RYR3: variants seen among roughly 807,000 people sequenced by gnomAD.
The protein encoded by RYR3 is ryanodine receptor 3.
RYR3 carries 207 observed loss-of-function variants against 584.3 expected under a neutral mutation model. The observed-to-expected ratio is 0.35, with a 90% confidence interval of 0.32 to 0.40. The LOEUF is 0.40. Among genes scored for constraint, RYR3 ranks in the 10% least tolerant of loss-of-function variants. The probability of loss-of-function intolerance (pLI) is 1.00; values close to 1 mark genes in which losing one functional copy is unlikely to be tolerated. For synonymous variants in RYR3, 2,416 were observed against 2,248.5 expected, an observed-to-expected ratio of 1.07 and a Z score of -2.11; for missense variants, 5,616 against 6,089.2, an observed-to-expected ratio of 0.92 and a Z score of 2.59.
Position 33,636,511 on chromosome 15 carries a change from G to A in RYR3, c.3517G>A (p.Gly1173Ser). 1 of 1,609,342 alleles carries A rather than the reference G, an allele frequency of 6.2e-7. No homozygotes were observed. Among genetic ancestry groups the A allele is most frequent in the Non-Finnish European group, 8.5e-7 (1 of 1,178,062 alleles). ...LNGELLITNKGSELAFADYEI... is the reference protein window; with the variant it reads ...LNGELLITNKSSELAFADYEI... ...TGGGGAGCTGCTGATCACCAACAAA[G>A]GCTCTGAACTTGCCTTCGCTGACTA... Residue 1173 changes from glycine to serine, a missense_variant, in exon 27 of 104, where the codon GGC becomes AGC. By Grantham distance (56) the Gly-to-Ser change is moderately conservative (BLOSUM62 0). Coordinates refer to ENST00000634891, the MANE Select transcript of RYR3 (RefSeq NM_001036.6).
At chr15:33,612,331 CAA>C (rs1209503761) in intron 18 of RYR3, among the ~76,000 whole-genome samples, 16 of 152,122 alleles carry the variant, frequency 1.1e-4, no homozygotes, top group Admixed American at 2.0e-4. Flanking sequence ...TTCTTTAAAA[CAA>C]ATAAGCAAAC....
At chr15:33,314,559 T>C (rs996692043) in intron 1 of RYR3, among the ~76,000 whole-genome samples, 5 of 152,240 alleles carry the variant, frequency 3.3e-5, no homozygotes, top group African/African-American at 9.6e-5. Context: ...CCTTAGCTTA[T>C]TGTTTTTAAA....
At chr15:33,488,158 AC>A in intron 2 of RYR3, among the ~76,000 whole-genome samples, 1 of 152,190 alleles carries the variant, frequency 6.6e-6, no homozygotes, top group East Asian at 1.9e-4. Flanking sequence ...GCAATACCAA[AC>A]CCCTCTTCTT....
rs1486560370 is a variant in RYR3 at position 33,311,189 on chromosome 15, G to T, written c.51+93G>T. 6.0e-6 allele frequency: 6 copies of T among 998,128 alleles called. No individual in the cohort carries two copies. Among genetic ancestry groups the T allele is most frequent in the Non-Finnish European group, 8.1e-6 (6 of 740,220 alleles). 61.8% of individuals were successfully genotyped at this position (998,128 alleles called of 1,614,324 possible). On this transcript the variant is annotated intron_variant, in intron 1 of 103. Transcript: ENST00000634891. This position sits in a 1 kb window ranked among gnomAD's most constrained non-coding sequence, Gnocchi z 4.4. ...GCTGGCTGCGCTGCGCCGCGGTGCC[G>T]GGTGCCCGGTGCCGGGCGCTTTCTC... is the stretch of plus-strand genomic sequence containing the variant.
chr15:33,652,511 C>T (rs1431209720), intron 31 of RYR3, among the ~76,000 whole-genome samples: 1 of 152,092 alleles, frequency 6.6e-6, no homozygotes, highest in Non-Finnish European at 1.5e-5. Context: ...GAATAGATTG[C>T]CACATCCTTA....
intron 36 of RYR3, among the ~76,000 whole-genome samples, chr15:33,664,311 G>A (rs1010728583): frequency 2.6e-5 from 4 of 151,990 alleles, no homozygotes; most frequent in Non-Finnish European, 5.9e-5. Context: ...TACCCACCTT[G>A]GGGTTAGCCT....
chr15:33,662,870 G>A lies in RYR3; in HGVS notation c.5340G>A (p.Glu1780=), dbSNP rs1261058403. 3.7e-6 allele frequency: 6 copies of A among 1,613,686 alleles called. No homozygotes were observed. The African/African-American group carries it at 8.0e-5, about 22-fold the overall frequency. ...CCCAGGTGGAGGAGAAGGCTGTGGA[G>A]GCTGGGGAGAAGGCCGGCAAGGAGG... ...EVTQVEEKAV[E]AGEKAGKEAP... Residue 1780 remains glutamate, a synonymous_variant, in exon 35 of 104, where the codon GAG becomes GAA. Transcript: ENST00000634891.
At chr15:33,647,309 A>C in intron 29 of RYR3, 115 bp from the exon 30 acceptor site, 1 of 762,686 alleles carries the variant, frequency 1.3e-6, no homozygotes, top group Admixed American at 2.2e-5. Flanking sequence ...GTGTTTAGGG[A>C]GTAGCCAGTT....
rs2073361270 is a variant in RYR3 at position 33,769,115 on chromosome 15, G to A, written c.8759G>A (p.Ser2920Asn). Residue 2920 changes from serine (S) to asparagine (N), a missense_variant, in exon 62 of 104, where the codon AGT becomes AAT. Ser to Asn is a conservative substitution (Grantham distance 46, BLOSUM62 1). This residue lies in a region of RYR3 where 1,280 missense variants were observed against 1,426.2 expected (regional missense o/e 0.90). Coordinates refer to ENST00000634891, the MANE Select transcript of RYR3 (RefSeq NM_001036.6). ...LVRHRISLFG[S>N]DSTTMVSCLH... ...CAGATGATTTTTTTTATTCCAGGTA[G>A]TGATTCTACTACAATGGTGAGCTGT... The A allele has an allele frequency of 1.9e-6, 3 of 1,612,258 alleles. No individual in the cohort carries two copies. The East Asian group carries it at 6.7e-5, about 36-fold the overall frequency.
At chr15:33,524,705 A>T (rs2054267166) in intron 3 of RYR3, among the ~76,000 whole-genome samples, 1 of 152,186 alleles carries the variant, frequency 6.6e-6, no homozygotes, top group African/African-American at 2.4e-5. Context: ...AATTTTGCAG[A>T]TGTAAAATGA....
intron 87 of RYR3, among the ~76,000 whole-genome samples, chr15:33,835,894 C>T (rs1006985802): frequency 6.6e-6 from 1 of 152,178 alleles, no homozygotes; most frequent in Non-Finnish European, 1.5e-5. Context: ...GCCACCTCCT[C>T]ACCAGTGACT....
chr15:33,819,387 TA>T (rs2076988234), intron 76 of RYR3, among the ~76,000 whole-genome samples: 1 of 152,064 alleles, frequency 6.6e-6, no homozygotes, highest in Non-Finnish European at 1.5e-5. Flanking sequence ...AGTAGCCTGC[TA>T]AGGCTGGGCA....
At chr15:33,452,783 C>G (rs928186248) in intron 1 of RYR3, among the ~76,000 whole-genome samples, 1 of 152,092 alleles carries the variant, frequency 6.6e-6, no homozygotes, top group Non-Finnish European at 1.5e-5. Context: ...GATTTCAGAA[C>G]CTGGTAGTTT....
Position 33,866,029 on chromosome 15 carries a change from G to A in RYR3, c.*803G>A, listed in dbSNP as rs1314618340. 6.5e-6 allele frequency: 1 copy of A among 153,414 alleles called. No individual in the cohort carries two copies. Among genetic ancestry groups the A allele is most frequent in the African/African-American group, 2.4e-5 (1 of 41,426 alleles). The allele number at this position is 153,414 out of a possible 1,614,324, so 9.5% of individuals were successfully genotyped here. A position where few individuals can be genotyped will look rare whatever the true frequency, so the allele number is the denominator to read the frequency against. The stretch of plus-strand genomic sequence containing the variant: ...TGCTTTATGGTCCCTTGTAAGTAGT[G>A]GAGCTGCTCTGTTTAGGTGAATCTC... On this transcript the variant is annotated 3_prime_UTR_variant, in exon 104 of 104. Transcript: ENST00000634891.
At chr15:33,632,112 TTTA>T (rs1350606584) in intron 23 of RYR3, among the ~76,000 whole-genome samples, 1 of 152,250 alleles carries the variant, frequency 6.6e-6, no homozygotes, top group Non-Finnish European at 1.5e-5. Context: ...GATGCAGAAC[TTTA>T]TCTTATACCT....
intron 9 of RYR3, among the ~76,000 whole-genome samples, chr15:33,548,976 G>A (rs953556810): frequency 6.6e-6 from 1 of 151,988 alleles, no homozygotes; most frequent in Admixed American, 6.6e-5. Context: ...TCTCACGCAG[G>A]GTATATGCCC....
intron 2 of RYR3, among the ~76,000 whole-genome samples, chr15:33,481,261 T>G (rs1011840101): frequency 6.6e-6 from 1 of 152,190 alleles, no homozygotes; most frequent in Non-Finnish European, 1.5e-5. Flanking sequence ...CCTACCCCAT[T>G]TTACAATCTC....
Position 33,533,377 on chromosome 15 carries a change from G to A in RYR3, c.421G>A (p.Glu141Lys). The change falls in exon 5 of 104, where the codon GAA (glutamate) becomes AAA (lysine). Residue 141 changes from glutamate to lysine, a missense_variant. Transcript: ENST00000634891. ...ACTTGCCTTTGATGTAGGTCTACGG[G>A]AACATGCCACAGGTGAGTCAGCATT... is the stretch of plus-strand genomic sequence containing the variant. ...DKLAFDVGLR[E>K]HATGEACWWT... The A allele has an allele frequency of 6.2e-7, 1 of 1,606,400 alleles. No homozygotes were observed. The highest frequency in any genetic ancestry group is 1.3e-5 in the African/African-American group (1 of 74,964).
chr15:33,387,686 G>T (rs2041709923), intron 1 of RYR3, among the ~76,000 whole-genome samples: 1 of 150,680 alleles, frequency 6.6e-6, no homozygotes, highest in South Asian at 2.1e-4. Flanking sequence ...AAATAGAGAA[G>T]AGATTGGATT....
Sources: gnomAD v4.1 joint callset for allele counts (sites outside exome capture counted in the v4.1 genomes callset) on GRCh38, gnomAD v4.1.1 for gene constraint, gnomAD v4.1.1 regional missense constraint, Gnocchi (gnomAD v3.1) non-coding constraint, MANE v1.5 for transcripts, NCBI Gene and HGNC (gene_info 2026-07-23, HGNC 2026-07-21) for gene names.